The following XXYLT1 variants were observed in gnomAD, a reference collection of about 807,000 sequenced individuals.
XXYLT1 encodes the protein UDP-xylose:alpha-xyloside alpha-1,3-xylosyltransferase.
In XXYLT1, 20 loss-of-function variants were observed where a neutral mutation model predicts 28.9. The observed-to-expected ratio is 0.69, with a 90% CI of 0.49 to 1.00. The LOEUF (loss-of-function observed/expected upper bound fraction) is 1.00, where lower values mean the gene tolerates loss of function less well. XXYLT1 is among the 50% of genes least tolerant of loss of function. The pLI, the probability that XXYLT1 is intolerant of heterozygous loss-of-function variation, is 0.00. For synonymous variants in XXYLT1, 257 were observed against 253.8 expected (o/e 1.01, Z -0.12); for missense variants, 542 against 560.1 (o/e 0.97, Z 0.33).
chr3:195,133,688 C>T lies in XXYLT1; in HGVS notation c.785+22761G>A, dbSNP rs1363270726. On this transcript the variant is annotated intron_variant, in intron 3 of 3. Coordinates refer to ENST00000310380, the MANE Select transcript of XXYLT1 (RefSeq NM_152531.5). This position sits in a 1 kb window ranked among gnomAD's most constrained non-coding sequence, Gnocchi z 4.4. ...CCATGCAGCATTGTATACAGTCACG[C>T]ACCACGTGACGACGTTGCAGTCAAC... Among the ~76,000 whole-genome samples, 2 of 152,156 alleles carry T rather than the reference C, an allele frequency of 1.3e-5. No individual in the cohort carries two copies. The highest frequency in any genetic ancestry group is 6.6e-5 in the Admixed American group (1 of 15,264).
At chr3:195,197,922 G>A (rs1244393092) in intron 2 of XXYLT1, among the ~76,000 whole-genome samples, 1 of 152,214 alleles carries the variant, frequency 6.6e-6, no homozygotes, top group Non-Finnish European at 1.5e-5. Context: ...GAGCTCTACT[G>A]GCCTCACCCA....
rs112718736 is a variant in XXYLT1, at chr3:195,150,834, G to A, written c.785+5615C>T. Among the ~76,000 whole-genome samples the A allele has an allele frequency of 1.5e-5, 2 of 130,360 alleles. No homozygotes were observed. The highest frequency in any genetic ancestry group is 3.4e-5 in the African/African-American group (1 of 29,732). The allele number at this position is 130,360 out of a possible 152,430, so 85.5% of individuals were successfully genotyped here. On this transcript the variant is annotated intron_variant, in intron 3 of 3. Coordinates refer to ENST00000310380, the MANE Select transcript of XXYLT1 (RefSeq NM_152531.5). The surrounding 1 kb of genome is among the most constrained non-coding windows in gnomAD (Gnocchi z 4.7). ...CACATACACACACACTCACACATAC[G>A]CACACTCTCTCACACACTCTCACAC...
chr3:195,224,049 G>A (rs761840483), intron 2 of XXYLT1, among the ~76,000 whole-genome samples: 2 of 152,150 alleles, frequency 1.3e-5, no homozygotes, highest in African/African-American at 4.8e-5. Flanking sequence ...CCAGCTACTC[G>A]AGAGGCTGAG....
intron 3 of XXYLT1, among the ~76,000 whole-genome samples, chr3:195,146,141 T>G (rs565723255): frequency 3.1e-4 from 47 of 152,352 alleles, no homozygotes; most frequent in African/African-American, 1.1e-3. Context: ...GGCTGAAGTC[T>G]GCACCTGAGA....
chr3:195,111,122 C>A (rs116379671), intron 3 of XXYLT1, among the ~76,000 whole-genome samples: 1,658 of 152,150 alleles, frequency 0.011, 23 homozygotes, highest in African/African-American at 0.038. Context: ...CCAGGCCGCT[C>A]CCCTAGCTTC....
intron 3 of XXYLT1, among the ~76,000 whole-genome samples, chr3:195,080,826 C>T (rs1031775543): frequency 2.0e-5 from 3 of 152,218 alleles, no homozygotes; most frequent in Non-Finnish European, 2.9e-5. Flanking sequence ...GTGTTCCAAC[C>T]CAGGAGCCAG....
Position 195,195,956 on chromosome 3 carries a change from C to T in XXYLT1, c.652+30753G>A, listed in dbSNP as rs980366659. Among the ~76,000 whole-genome samples the T allele has an allele frequency of 4.6e-5, 7 of 152,200 alleles. No homozygotes were observed. Among genetic ancestry groups the T allele is most frequent in the East Asian group, 3.9e-4 (2 of 5,182 alleles). Reference sequence around the variant, plus strand: ...AGTCTCCCTGCCTGGCACTGCCATTCCCTCCAGGCTAGCCCGAGGCTGCAG... The same window carrying T: ...AGTCTCCCTGCCTGGCACTGCCATTTCCTCCAGGCTAGCCCGAGGCTGCAG... On this transcript the variant is annotated intron_variant, in intron 2 of 3. Coordinates refer to ENST00000310380, the MANE Select transcript of XXYLT1 (RefSeq NM_152531.5). This position sits in a 1 kb window ranked among gnomAD's most constrained non-coding sequence, Gnocchi z 4.4.
intron 3 of XXYLT1, among the ~76,000 whole-genome samples, chr3:195,097,352 G>A (rs762269245): frequency 7.2e-5 from 11 of 152,152 alleles, no homozygotes; most frequent in South Asian, 6.2e-4. Flanking sequence ...ACTTTGTGAC[G>A]CGGGTTACAG....
intron 3 of XXYLT1, among the ~76,000 whole-genome samples, chr3:195,079,022 A>G (rs1327565648): frequency 6.6e-6 from 1 of 152,150 alleles, no homozygotes; most frequent in Non-Finnish European, 1.5e-5. Flanking sequence ...CCCACCCTGC[A>G]CAGAACCTGC....
chr3:195,223,852 G>C (rs1723931143), intron 2 of XXYLT1, among the ~76,000 whole-genome samples: 2 of 152,118 alleles, frequency 1.3e-5, no homozygotes, highest in Non-Finnish European at 2.9e-5. Context: ...AAAGGCTTTG[G>C]GGCACATGTA....
intron 2 of XXYLT1, among the ~76,000 whole-genome samples, chr3:195,166,108 A>ACT (rs1721106691): frequency 6.7e-6 from 1 of 150,364 alleles, no homozygotes; most frequent in Admixed American, 6.6e-5. Context: ...GGAAATACAG[A>ACT]CTCTCCCCTT....
At chr3:195,190,655 A>G (rs1029085576) in intron 2 of XXYLT1, among the ~76,000 whole-genome samples, 1 of 152,042 alleles carries the variant, frequency 6.6e-6, no homozygotes, top group African/African-American at 2.4e-5. Flanking sequence ...TCATTTCTTA[A>G]CTTTTTAAAA....
At chr3:195,075,988 C>G (rs1179771611) in intron 3 of XXYLT1, among the ~76,000 whole-genome samples, 1 of 152,160 alleles carries the variant, frequency 6.6e-6, no homozygotes, top group Non-Finnish European at 1.5e-5. Context: ...TGGGGAGGCA[C>G]ACCGCAGAGG....
chr3:195,104,810 C>T (rs972423687), intron 3 of XXYLT1, among the ~76,000 whole-genome samples: 1 of 152,182 alleles, frequency 6.6e-6, no homozygotes, highest in Non-Finnish European at 1.5e-5. Flanking sequence ...ACAAAAAAAA[C>T]CCCACACCAA....
chr3:195,219,358 T>C (rs1323719151), intron 2 of XXYLT1, among the ~76,000 whole-genome samples: 1 of 152,116 alleles, frequency 6.6e-6, no homozygotes, highest in East Asian at 1.9e-4. Context: ...AACAAATAAA[T>C]GAAAACTCAA....
At chr3:195,254,377 G>A (rs1725396122) in intron 1 of XXYLT1, among the ~76,000 whole-genome samples, 1 of 152,266 alleles carries the variant, frequency 6.6e-6, no homozygotes. Flanking sequence ...GCCATTCCCT[G>A]AGCCGGAAGC....
intron 3 of XXYLT1, among the ~76,000 whole-genome samples, chr3:195,134,332 C>A (rs989073806): frequency 6.6e-6 from 1 of 152,210 alleles, no homozygotes; most frequent in Non-Finnish European, 1.5e-5. Flanking sequence ...GCACCCGGAG[C>A]AACTTCCAGT....
chr3:195,251,394 A>G (rs142393958), intron 1 of XXYLT1, among the ~76,000 whole-genome samples: 207 of 152,360 alleles, frequency 1.4e-3, no homozygotes, highest in African/African-American at 4.6e-3. Context: ...GTTAGGCAGC[A>G]GGTCCCTATA....
At chr3:195,235,303 G>A (rs563776919) in intron 1 of XXYLT1, among the ~76,000 whole-genome samples, 197 of 152,242 alleles carry the variant, frequency 1.3e-3, no homozygotes, top group Non-Finnish European at 2.4e-3. Flanking sequence ...AGGAGATTCT[G>A]ATGCATTCTT....
Sources: gnomAD v4.1 joint callset for allele counts (sites outside exome capture counted in the v4.1 genomes callset) on GRCh38, gnomAD v4.1.1 for gene constraint, Gnocchi (gnomAD v3.1) non-coding constraint, MANE v1.5 for transcripts, NCBI Gene and HGNC (gene_info 2026-07-23, HGNC 2026-07-21) for gene names.